Variants in CADM2 observed in about 807,000 individuals in gnomAD.
The protein encoded by CADM2 is cell adhesion molecule 2.
Under a neutral mutation model 49.8 loss-of-function variants are expected in CADM2, and 12 were observed. That is an observed-to-expected ratio of 0.24 (90% CI 0.15 to 0.39). CADM2 has a LOEUF of 0.39. CADM2 is among the 10% of genes least tolerant of loss of function. The pLI, the probability that CADM2 is intolerant of heterozygous loss-of-function variation, is 1.00. For synonymous variants in CADM2, 214 were observed against 175.4 expected, an observed-to-expected ratio of 1.22 and a Z score of -1.74; for missense variants, 378 against 492.3, an observed-to-expected ratio of 0.77 and a Z score of 2.20.
At chr3:85,282,520 C>T (rs1263917826) in intron 1 of CADM2, among the ~76,000 whole-genome samples, 2 of 151,248 alleles carry the variant, frequency 1.3e-5, no homozygotes, top group African/African-American at 4.9e-5. Context: ...AATCTACCCG[C>T]CTCGGCCTCC....
At chr3:85,689,175 T>C (rs2066307484) in intron 1 of CADM2, among the ~76,000 whole-genome samples, 1 of 152,206 alleles carries the variant, frequency 6.6e-6, no homozygotes, top group Admixed American at 6.5e-5. Context: ...ATGCATATTG[T>C]ATGAATATAT....
intron 1 of CADM2, among the ~76,000 whole-genome samples, chr3:85,585,490 G>C (rs2062916247): frequency 6.6e-6 from 1 of 151,638 alleles, no homozygotes; most frequent in Non-Finnish European, 1.5e-5. Flanking sequence ...AGAAGTGAAA[G>C]GAAATTGTTG....
intron 3 of CADM2, among the ~76,000 whole-genome samples, chr3:85,850,792 G>T (rs943553807): frequency 6.6e-6 from 1 of 152,114 alleles, no homozygotes; most frequent in African/African-American, 2.4e-5. Context: ...TTTAATCTTA[G>T]TGTTTTGAGT....
intron 1 of CADM2, among the ~76,000 whole-genome samples, chr3:85,413,156 A>T (rs1436850047): frequency 4.2e-5 from 6 of 143,584 alleles, no homozygotes; most frequent in South Asian, 2.2e-4. Flanking sequence ...AAAAAAAAAA[A>T]AAAAAAATAA....
At chr3:85,229,161 A>C (rs1037003107) in intron 1 of CADM2, among the ~76,000 whole-genome samples, 1 of 152,038 alleles carries the variant, frequency 6.6e-6, no homozygotes, top group Non-Finnish European at 1.5e-5. Context: ...CCCTCCCCCA[A>C]CCAAGCTCGT....
intron 1 of CADM2, among the ~76,000 whole-genome samples, chr3:85,474,062 A>G (rs2038879144): frequency 6.6e-6 from 1 of 152,030 alleles, no homozygotes; most frequent in South Asian, 2.1e-4. Context: ...AAATGATAAC[A>G]TGTAATATTA....
chr3:86,050,932 G>A (rs1236153865), intron 8 of CADM2, among the ~76,000 whole-genome samples: 2 of 152,132 alleles, frequency 1.3e-5, no homozygotes, highest in African/African-American at 4.8e-5. Flanking sequence ...ATTGTCTTGG[G>A]TTTTCCACAT....
At chr3:85,642,254 T>C in intron 1 of CADM2, among the ~76,000 whole-genome samples, 1 of 152,046 alleles carries the variant, frequency 6.6e-6, no homozygotes, top group East Asian at 1.9e-4. Context: ...AGATAGATTA[T>C]GGAATAAAAC....
chr3:85,339,882 C>A (rs2045194539), intron 1 of CADM2, among the ~76,000 whole-genome samples: 1 of 151,302 alleles, frequency 6.6e-6, no homozygotes, highest in Non-Finnish European at 1.5e-5. Flanking sequence ...TTTGCAAACT[C>A]TTTAATTTCT....
chr3:85,563,744 A>T (rs1007633520), intron 1 of CADM2, among the ~76,000 whole-genome samples: 2 of 152,160 alleles, frequency 1.3e-5, no homozygotes, highest in African/African-American at 2.4e-5. Flanking sequence ...TTGCACGGTG[A>T]TGACTAGCAA....
rs1160735135 is a variant in CADM2, at chr3:85,027,109, CTT to C, written c.61+67463_61+67464del. Among the ~76,000 whole-genome samples, 66 of 55,684 alleles carry C rather than the reference CTT, an allele frequency of 1.2e-3. 1 individual carries two copies. The East Asian group carries it at 0.023, about 19-fold the overall frequency. 36.5% of individuals were successfully genotyped at this position (55,684 alleles called of 152,430 possible). A position where few individuals can be genotyped will look rare whatever the true frequency, so the allele number is the denominator to read the frequency against. ...TGGTTGTTGTTGCTTTTTCTTTTTCCTTTTTTTTTTTTTTTTTTTTTTTAAGA... is the reference window on the plus strand; with the variant it reads ...TGGTTGTTGTTGCTTTTTCTTTTTCCTTTTTTTTTTTTTTTTTTTTTAAGA... On this transcript the variant is annotated intron_variant, in intron 1 of 9. Transcript: ENST00000383699.
At chr3:85,439,492 T>C (rs988329563) in intron 1 of CADM2, among the ~76,000 whole-genome samples, 2 of 152,170 alleles carry the variant, frequency 1.3e-5, no homozygotes, top group Non-Finnish European at 2.9e-5. Context: ...TAATGTAAAT[T>C]AATTTATTGT....
intron 1 of CADM2, among the ~76,000 whole-genome samples, chr3:85,026,526 A>T (rs1049806997): frequency 1.3e-5 from 2 of 152,142 alleles, no homozygotes; most frequent in African/African-American, 4.8e-5. Flanking sequence ...TCCTCCTTGT[A>T]GTTTTATATT....
intron 7 of CADM2, among the ~76,000 whole-genome samples, chr3:85,943,630 G>T (rs545499409): frequency 2.0e-5 from 3 of 151,964 alleles, no homozygotes; most frequent in Admixed American, 6.6e-5. Context: ...GAGGCATCAC[G>T]CTACCTGACT....
intron 1 of CADM2, among the ~76,000 whole-genome samples, chr3:85,335,913 CAG>C (rs1031305233): frequency 4.0e-5 from 6 of 151,318 alleles, no homozygotes; most frequent in African/African-American, 1.5e-4. Flanking sequence ...AATAAGCAAA[CAG>C]TAATAAAACC....
intron 1 of CADM2, among the ~76,000 whole-genome samples, chr3:85,050,146 T>C (rs534461432): frequency 3.3e-5 from 5 of 152,124 alleles, no homozygotes; most frequent in Admixed American, 3.3e-4. Flanking sequence ...TAGTGAACAT[T>C]GCTCATCTTG....
intron 1 of CADM2, among the ~76,000 whole-genome samples, chr3:85,181,001 G>A: frequency 6.6e-6 from 1 of 152,104 alleles, no homozygotes; most frequent in East Asian, 1.9e-4. Context: ...CAGAGGGTCT[G>A]GGATTCATCT....
intron 1 of CADM2, among the ~76,000 whole-genome samples, chr3:85,718,672 G>A (rs1172310280): frequency 6.6e-6 from 1 of 151,540 alleles, no homozygotes; most frequent in Non-Finnish European, 1.5e-5. Flanking sequence ...CCATGAAAAC[G>A]GTAGAGTGAA....
chr3:85,192,139 T>C (rs1031984224), intron 1 of CADM2, among the ~76,000 whole-genome samples: 1 of 151,768 alleles, frequency 6.6e-6, no homozygotes, highest in Non-Finnish European at 1.5e-5. Flanking sequence ...GAAAGAAGCA[T>C]AGAGATTAGG....
Sources: gnomAD v4.1 joint callset for allele counts (sites outside exome capture counted in the v4.1 genomes callset) on GRCh38, gnomAD v4.1.1 for gene constraint, MANE v1.5 for transcripts, NCBI Gene and HGNC (gene_info 2026-07-23, HGNC 2026-07-21) for gene names.